PAM: variants seen among roughly 807,000 people sequenced by gnomAD.
PAM encodes the protein peptidyl-glycine alpha-amidating monooxygenase.
Under a neutral mutation model 122.1 loss-of-function variants are expected in PAM, and 72 were observed. That is an observed-to-expected ratio of 0.59 (90% CI 0.49 to 0.72). The LOEUF is 0.72. PAM is among the 30% of genes least tolerant of loss of function. The pLI, the probability that PAM is intolerant of heterozygous loss-of-function variation, is 0.00. For missense variants in PAM, 1,106 were observed against 1,183.7 expected, an observed-to-expected ratio of 0.93 and a Z score of 0.96; for synonymous variants, 389 against 404.4, an observed-to-expected ratio of 0.96 and a Z score of 0.46.
intron 1 of PAM, among the ~76,000 whole-genome samples, chr5:102,814,136 G>T (rs926341575): frequency 1.2e-4 from 18 of 152,146 alleles, no homozygotes; most frequent in African/African-American, 4.3e-4. Context: ...GATGGCAACT[G>T]GAGACCATCA....
intron 1 of PAM, among the ~76,000 whole-genome samples, chr5:102,848,192 A>G (rs985357223): frequency 1.3e-5 from 2 of 152,034 alleles, no homozygotes; most frequent in African/African-American, 2.4e-5. Context: ...AGCAGAAGTC[A>G]TAGAACTTGA....
At chr5:103,022,332 G>A (rs1157805987) in intron 23 of PAM, among the ~76,000 whole-genome samples, 2 of 151,648 alleles carry the variant, frequency 1.3e-5, no homozygotes, top group African/African-American at 2.4e-5. Flanking sequence ...CTTCAGTTCT[G>A]TCTGTGATGA....
chr5:102,976,410 T>TA (rs540351027), intron 15 of PAM, among the ~76,000 whole-genome samples: 267 of 145,874 alleles, frequency 1.8e-3, no homozygotes, highest in African/African-American at 4.8e-3. Context: ...TTCCATTTTG[T>TA]AAAAAAAAAA....
intron 16 of PAM, among the ~76,000 whole-genome samples, chr5:102,991,163 G>A (rs896790943): frequency 2.6e-5 from 4 of 152,088 alleles, no homozygotes; most frequent in Non-Finnish European, 5.9e-5. Flanking sequence ...ATTAGCAAGT[G>A]GCAAAGCCAG....
At chr5:102,975,451 C>A (rs1767319334) in intron 15 of PAM, among the ~76,000 whole-genome samples, 1 of 152,176 alleles carries the variant, frequency 6.6e-6, no homozygotes, top group Admixed American at 6.5e-5. Flanking sequence ...GAGATGTTAA[C>A]TGGAACCTGG....
At chr5:102,783,708 T>C (rs746197535) in intron 1 of PAM, among the ~76,000 whole-genome samples, 2 of 152,160 alleles carry the variant, frequency 1.3e-5, no homozygotes, top group Non-Finnish European at 2.9e-5. Context: ...GAGTATCCCT[T>C]GGGATGTGCA....
chr5:103,011,192 C>T (rs374465664), intron 21 of PAM, among the ~76,000 whole-genome samples: 4 of 152,188 alleles, frequency 2.6e-5, no homozygotes, highest in Non-Finnish European at 4.4e-5. Flanking sequence ...TGGAGAGCCA[C>T]GTCTGTGACC....
intron 3 of PAM, among the ~76,000 whole-genome samples, chr5:102,873,032 G>C (rs1247029325): frequency 6.6e-6 from 1 of 151,712 alleles, no homozygotes; most frequent in East Asian, 1.9e-4. Flanking sequence ...CAATTTACCT[G>C]TATAGCAAAC....
chr5:102,802,553 A>G (rs545044855), intron 1 of PAM, among the ~76,000 whole-genome samples: 1 of 152,252 alleles, frequency 6.6e-6, no homozygotes, highest in East Asian at 1.9e-4. Flanking sequence ...GCCATAGAAT[A>G]CTTTCATAGC....
intron 1 of PAM, among the ~76,000 whole-genome samples, chr5:102,828,502 G>A (rs1022129472): frequency 6.6e-6 from 1 of 152,150 alleles, no homozygotes; most frequent in Admixed American, 6.5e-5. Context: ...ACTAGCTGCT[G>A]CATCAGAGCC....
chr5:102,779,916 T>TACACACACAC (rs1328714158), intron 1 of PAM, among the ~76,000 whole-genome samples: 8 of 65,882 alleles, frequency 1.2e-4, no homozygotes, highest in African/African-American at 6.2e-4. Context: ...TATATATATA[T>TACACACACAC]ATACACACAT....
intron 1 of PAM, among the ~76,000 whole-genome samples, chr5:102,779,228 A>G (rs1010623893): frequency 5.3e-5 from 8 of 150,590 alleles, no homozygotes; most frequent in Non-Finnish European, 1.2e-4. Context: ...ATGTGTGTGT[A>G]TATATATGTG....
At chr5:102,815,911 A>T (rs1223432679) in intron 1 of PAM, among the ~76,000 whole-genome samples, 1 of 152,182 alleles carries the variant, frequency 6.6e-6, no homozygotes, top group Non-Finnish European at 1.5e-5. Flanking sequence ...TGCAGCCTAT[A>T]TATTTTTGTA....
At chr5:102,828,492 A>G (rs1262860818) in intron 1 of PAM, among the ~76,000 whole-genome samples, 1 of 152,182 alleles carries the variant, frequency 6.6e-6, no homozygotes, top group Non-Finnish European at 1.5e-5. Flanking sequence ...TCTAGGGAAC[A>G]CTAGCTGCTG....
At chr5:102,924,883 C>A in intron 5 of PAM, 74 bp from the exon 6 acceptor site, 2 of 811,704 alleles carry the variant, frequency 2.5e-6, no homozygotes, top group Non-Finnish European at 4.4e-6. Flanking sequence ...TCCCCCATCA[C>A]CTCCCACCAT....
At chr5:103,000,030 A>G (rs538932155) in intron 16 of PAM, among the ~76,000 whole-genome samples, 1 of 152,290 alleles carries the variant, frequency 6.6e-6, no homozygotes, top group East Asian at 1.9e-4. Context: ...TTTCTATCAC[A>G]TCATCAGGCT....
At chr5:102,953,383 A>G (rs951645591) in intron 12 of PAM, among the ~76,000 whole-genome samples, 4 of 151,756 alleles carry the variant, frequency 2.6e-5, no homozygotes, top group Non-Finnish European at 5.9e-5. Flanking sequence ...CTTTACAAGG[A>G]GGGGGGGGAA....
intron 1 of PAM, among the ~76,000 whole-genome samples, chr5:102,808,469 G>T (rs1188843700): frequency 6.6e-6 from 1 of 152,134 alleles, no homozygotes; most frequent in Admixed American, 6.6e-5. Flanking sequence ...ACAGTGTAAC[G>T]CCTGCTACTC....
chr5:102,919,504 CTT>C (rs1350156541), intron 5 of PAM, among the ~76,000 whole-genome samples: 1 of 152,024 alleles, frequency 6.6e-6, no homozygotes, highest in Non-Finnish European at 1.5e-5. Flanking sequence ...GCAATCCTCT[CTT>C]TGTTTTTTCT....
Sources: allele counts gnomAD v4.1 joint callset (sites outside exome capture counted in the v4.1 genomes callset), GRCh38; gene constraint gnomAD v4.1.1; transcripts MANE v1.5; gene names NCBI Gene and HGNC (gene_info 2026-07-23, HGNC 2026-07-21).